The following ZNF516 variants were observed in gnomAD, a reference collection of about 807,000 sequenced individuals.
The protein encoded by ZNF516 is zinc finger protein 516.
A neutral mutation model predicts 79.7 loss-of-function variants in ZNF516; 19 were observed. The observed-to-expected ratio is 0.24, with a 90% CI of 0.17 to 0.35. The LOEUF (loss-of-function observed/expected upper bound fraction) is 0.35. Ranked by LOEUF, ZNF516 falls within the 10% of genes least tolerant of loss-of-function variation. ZNF516 has a pLI of 1.00. For missense variants in ZNF516, 1,678 were observed against 1,679.5 expected (o/e 1.00, Z 0.02); for synonymous variants, 877 against 739.5 (o/e 1.19, Z -3.02).
chr18:76,474,649 T>C (rs573533408), intron 1 of ZNF516, among the ~76,000 whole-genome samples: 3 of 152,248 alleles, frequency 2.0e-5, no homozygotes, highest in Non-Finnish European at 2.9e-5. Flanking sequence ...AACCCTTAAA[T>C]TTGAATTTTA....
chr18:76,375,796 G>A (rs1437645365), intron 4 of ZNF516, among the ~76,000 whole-genome samples: 1 of 150,560 alleles, frequency 6.6e-6, no homozygotes, highest in Non-Finnish European at 1.5e-5. Context: ...CCAAAGACCA[G>A]GTAGAGGATG....
chr18:76,494,122 A>G (rs1306474193), intron 1 of ZNF516, among the ~76,000 whole-genome samples: 1 of 152,170 alleles, frequency 6.6e-6, no homozygotes, highest in Non-Finnish European at 1.5e-5. Context: ...GCGGGGGTCC[A>G]CTGGCTTTCC....
chr18:76,464,665 C>A (rs573979017), intron 1 of ZNF516, among the ~76,000 whole-genome samples: 2 of 137,112 alleles, frequency 1.5e-5, no homozygotes, highest in African/African-American at 5.6e-5. Flanking sequence ...TCATTTCAGA[C>A]GGGGACAGTG....
At position 76,442,269 on chromosome 18, in the gene ZNF516, G is replaced by A. The variant is rs762291909; in HGVS notation, c.786C>T (p.Phe262=). Residue 262 remains phenylalanine (F), a synonymous_variant, in exon 3 of 7, where the codon TTC becomes TTT. Coordinates refer to ENST00000443185, the MANE Select transcript of ZNF516 (RefSeq NM_014643.4). ...VCGQAFSQTW[F]LKAHMKKHRG... Reference sequence around the variant, plus strand: ...GGTGCTTCTTCATGTGCGCCTTCAGGAACCAGGTCTGGCTGAAGGCCTGGC... The same window carrying A: ...GGTGCTTCTTCATGTGCGCCTTCAGAAACCAGGTCTGGCTGAAGGCCTGGC... 14 of 1,613,412 alleles carry A rather than the reference G, an allele frequency of 8.7e-6. No homozygotes were observed. The South Asian group carries it at 1.5e-4, about 18-fold the overall frequency.
At chr18:76,471,690 C>T (rs993212861) in intron 1 of ZNF516, among the ~76,000 whole-genome samples, 11 of 152,134 alleles carry the variant, frequency 7.2e-5, no homozygotes, top group Admixed American at 6.5e-4. Flanking sequence ...CATCGCTGAA[C>T]GGGAGATCCC....
intron 3 of ZNF516, among the ~76,000 whole-genome samples, chr18:76,381,147 CGT>C (rs2074886498): frequency 6.6e-6 from 1 of 152,132 alleles, no homozygotes; most frequent in Admixed American, 6.5e-5. Context: ...CCAAGGAACG[CGT>C]GAGACAGGGA....
intron 1 of ZNF516, among the ~76,000 whole-genome samples, chr18:76,485,741 G>A (rs1026904013): frequency 2.0e-5 from 3 of 152,044 alleles, no homozygotes; most frequent in Admixed American, 2.0e-4. Flanking sequence ...AAACCAGCAT[G>A]TGTAAACAAA....
At chr18:76,365,347 A>C (rs2074597545) in intron 6 of ZNF516, among the ~76,000 whole-genome samples, 1 of 152,210 alleles carries the variant, frequency 6.6e-6, no homozygotes, top group Non-Finnish European at 1.5e-5. Context: ...CAAAACCACG[A>C]GGTTGGGGTG....
chr18:76,446,183 C>T (rs1280413393), intron 2 of ZNF516, among the ~76,000 whole-genome samples: 2 of 152,212 alleles, frequency 1.3e-5, no homozygotes, highest in African/African-American at 2.4e-5. Context: ...GAAGAAGCCA[C>T]ATGTCACCGA....
Position 76,360,646 on chromosome 18 carries a change from A to ATATATATATATATATATAT in ZNF516, c.*1851_*1852insATATATATATATATATATA, listed in dbSNP as rs1555693935. 1.4e-5 allele frequency: 1 copy of ATATATATATATATATATAT among 72,494 alleles called. No individual in the cohort carries two copies. Among genetic ancestry groups the ATATATATATATATATATAT allele is most frequent in the Non-Finnish European group, 2.7e-5 (1 of 36,934 alleles). 4.5% of individuals were successfully genotyped at this position (72,494 alleles called of 1,614,324 possible). A position where few individuals can be genotyped will look rare whatever the true frequency, so the allele number is the denominator to read the frequency against. The stretch of plus-strand genomic sequence containing the variant: ...AAAAAAATAAGTAAAAAAAAAAAAA[A>ATATATATATATATATATAT]ATATATATATATATATATATATATA... On this transcript the variant is annotated 3_prime_UTR_variant, in exon 7 of 7. Transcript: ENST00000443185.
chr18:76,402,212 A>G (rs887540296), intron 3 of ZNF516, among the ~76,000 whole-genome samples: 1 of 152,186 alleles, frequency 6.6e-6, no homozygotes, highest in Non-Finnish European at 1.5e-5. Flanking sequence ...AGTGGCCACA[A>G]CAATCCCTCT....
intron 6 of ZNF516, among the ~76,000 whole-genome samples, chr18:76,365,828 G>A (rs940668515): frequency 2.0e-5 from 3 of 152,134 alleles, no homozygotes; most frequent in Admixed American, 1.3e-4. Context: ...GCTTGTCTAC[G>A]ATCGAGGCAA....
At position 76,488,215 on chromosome 18, in the gene ZNF516, C is replaced by T. The variant is rs1298472383; in HGVS notation, c.-272+6929G>A. 4 of 985,292 alleles carry T rather than the reference C, an allele frequency of 4.1e-6. No homozygotes were observed. The African/African-American group carries it at 7.0e-5, about 17-fold the overall frequency. 61.0% of individuals were successfully genotyped at this position (985,292 alleles called of 1,614,324 possible). A position where few individuals can be genotyped will look rare whatever the true frequency, so the allele number is the denominator to read the frequency against. On this transcript the variant is annotated intron_variant, in intron 1 of 6. Transcript: ENST00000443185. ...ACTCTAAATGAGATGCAGCTCCCAA[C>T]AACAGAGTAGGGGCCGCTTCCAAGG...
intron 3 of ZNF516, among the ~76,000 whole-genome samples, chr18:76,440,837 G>A (rs1202884919): frequency 1.3e-5 from 2 of 152,180 alleles, no homozygotes; most frequent in African/African-American, 2.4e-5. Flanking sequence ...TGTCTCAGAA[G>A]GGATCCATGA....
At chr18:76,482,482 C>T (rs1277784015) in intron 1 of ZNF516, among the ~76,000 whole-genome samples, 1 of 152,220 alleles carries the variant, frequency 6.6e-6, no homozygotes, top group African/African-American at 2.4e-5. Flanking sequence ...CCAGGGTGGA[C>T]GTCGGTACTT....
chr18:76,492,963 G>A (rs1020048702), intron 1 of ZNF516: 3 of 985,456 alleles, frequency 3.0e-6, no homozygotes, highest in Non-Finnish European at 3.6e-6. Flanking sequence ...CAGACACATG[G>A]GCTCATGCAC....
At position 76,360,270 on chromosome 18, in the gene ZNF516, C is replaced by T. The variant is rs777264683; in HGVS notation, c.*2228G>A. Reference sequence around the variant, plus strand: ...ACAGTAAAAATGTAGACTACACTTTCGTGTCACTTTGGGTACAGAATTTCT... The same window carrying T: ...ACAGTAAAAATGTAGACTACACTTTTGTGTCACTTTGGGTACAGAATTTCT... On this transcript the variant is annotated 3_prime_UTR_variant, in exon 7 of 7. Transcript: ENST00000443185. 1.3e-5 allele frequency: 2 copies of T among 152,198 alleles called. No individual in the cohort carries two copies. Among genetic ancestry groups the T allele is most frequent in the Non-Finnish European group, 2.9e-5 (2 of 68,024 alleles). 9.4% of individuals were successfully genotyped at this position (152,198 alleles called of 1,614,324 possible). A position where few individuals can be genotyped will look rare whatever the true frequency, so the allele number is the denominator to read the frequency against.
intron 3 of ZNF516, among the ~76,000 whole-genome samples, chr18:76,413,831 A>C (rs1227859088): frequency 2.0e-5 from 3 of 152,252 alleles, no homozygotes; most frequent in Middle Eastern, 3.2e-3. Context: ...AAACCTCATG[A>C]ACAAAAATGT....
intron 1 of ZNF516, among the ~76,000 whole-genome samples, chr18:76,479,572 C>T (rs550675352): frequency 6.6e-6 from 1 of 152,324 alleles, no homozygotes; most frequent in African/African-American, 2.4e-5. Flanking sequence ...TCGTAACGGG[C>T]CAGAAGTCAC....
Sources: allele counts gnomAD v4.1 joint callset (sites outside exome capture counted in the v4.1 genomes callset), GRCh38; gene constraint gnomAD v4.1.1; transcripts MANE v1.5; gene names NCBI Gene and HGNC (gene_info 2026-07-23, HGNC 2026-07-21).